The following FBN3 variants were observed in gnomAD, a reference collection of about 807,000 sequenced individuals.
FBN3 encodes the protein fibrillin 3.
In FBN3, 234 loss-of-function variants were observed where a neutral mutation model predicts 330.1. The ratio of observed to expected loss-of-function variants is 0.71; its 90% CI spans 0.64 to 0.79. FBN3 has a LOEUF of 0.79. Among genes scored for constraint, FBN3 ranks in the 30% least tolerant of loss-of-function variants. The probability of loss-of-function intolerance (pLI) is 0.00; values close to 1 mark genes in which losing one functional copy is unlikely to be tolerated. For missense variants in FBN3, 3,606 were observed against 3,886.9 expected (o/e 0.93, Z 1.92); for synonymous variants, 1,458 against 1,517.3 (o/e 0.96, Z 0.91).
chr19:8,091,715 G>T, intron 47 of FBN3, 125 bp from the exon 48 acceptor site: 2 of 1,058,110 alleles, frequency 1.9e-6, no homozygotes, highest in East Asian at 2.5e-5. Context: ...TGGGGCTGGG[G>T]TCCTGAGAGC....
At position 8,110,872 on chromosome 19, in the gene FBN3, G is replaced by C; in HGVS notation, c.4306C>G (p.Leu1436Val). ...FRCICNGGYE[L>V]DRGGGNCTDI... ...GTGCAGTTGCCACCCCCTCGGTCCAGTTCGTAGCCACCATTGCAGATGCAG... is the reference window on the plus strand; with the variant it reads ...GTGCAGTTGCCACCCCCTCGGTCCACTTCGTAGCCACCATTGCAGATGCAG... The change falls in exon 34 of 64, where the codon CTG (leucine) becomes GTG (valine). Residue 1436 changes from leucine to valine, a missense_variant. Transcript: ENST00000600128. 6.2e-7 allele frequency: 1 copy of C among 1,614,222 alleles called. No individual in the cohort carries two copies. Among genetic ancestry groups the C allele is most frequent in the Non-Finnish European group, 8.5e-7 (1 of 1,180,044 alleles).
chr19:8,107,725 G>A (rs1002408671), intron 37 of FBN3, among the ~76,000 whole-genome samples: 1 of 151,298 alleles, frequency 6.6e-6, no homozygotes, highest in African/African-American at 2.4e-5. Flanking sequence ...ATGGAAGTAT[G>A]GAAGTATGGA....
intron 18 of FBN3, 86 bp from the exon 19 acceptor site, chr19:8,126,918 G>T: frequency 3.4e-6 from 5 of 1,459,594 alleles, no homozygotes; most frequent in Non-Finnish European, 2.7e-6. Context: ...AGGGGCCGCC[G>T]CAACCGGTGG....
intron 18 of FBN3, among the ~76,000 whole-genome samples, chr19:8,128,390 CCT>C (rs1177910310): frequency 2.6e-5 from 4 of 151,992 alleles, no homozygotes; most frequent in Admixed American, 1.3e-4. Context: ...ATGGTGAAAC[CCT>C]GTCTCTACTA....
At position 8,129,326 on chromosome 19, in the gene FBN3, T is replaced by C. The variant is rs754231890; in HGVS notation, c.2084A>G (p.Asn695Ser). 26 of 1,614,008 alleles carry C rather than the reference T, an allele frequency of 1.6e-5. No homozygotes were observed. Among genetic ancestry groups the C allele is most frequent in the Non-Finnish European group, 2.2e-5 (26 of 1,180,018 alleles). Residue 695 changes from asparagine (N) to serine (S), a missense_variant, in exon 17 of 64, where the codon AAT becomes AGT. By Grantham distance (46) the Asn-to-Ser change is conservative. Transcript: ENST00000600128. This position sits in a 1 kb window ranked among gnomAD's most constrained non-coding sequence, Gnocchi z 4.5. ...GCCCCGAAGGTTCTCGCACACGCCA[T>C]TGGCACAAACCTCAGGATCCAGAGC... The part of the protein sequence containing the change: ...ECALDPEVCA[N>S]GVCENLRGSY...
chr19:8,134,426 G>A, intron 13 of FBN3, among the ~76,000 whole-genome samples: 1 of 152,096 alleles, frequency 6.6e-6, no homozygotes. Context: ...GAAAAAGAAT[G>A]AAGAAGCCAG....
chr19:8,105,231 G>A (rs2082413432), intron 38 of FBN3, among the ~76,000 whole-genome samples: 1 of 151,466 alleles, frequency 6.6e-6, no homozygotes, highest in African/African-American at 2.4e-5. Context: ...GGGATTACAA[G>A]CATGAGCCAC....
At chr19:8,112,501 T>C (rs993877384) in intron 30 of FBN3, among the ~76,000 whole-genome samples, 2 of 151,616 alleles carry the variant, frequency 1.3e-5, no homozygotes, top group African/African-American at 2.4e-5. Context: ...AAAAAAAAAA[T>C]TAGCCAGGCG....
In FBN3 at chr19:8,096,778, T is replaced by C; in HGVS notation, c.5413+103A>G. The C allele has an allele frequency of 1.6e-5, 20 of 1,268,736 alleles. No homozygotes were observed. Among genetic ancestry groups the C allele is most frequent in the South Asian group, 9.2e-5 (7 of 75,998 alleles). The allele number at this position is 1,268,736 out of a possible 1,614,324, so 78.6% of individuals were successfully genotyped here. A position where few individuals can be genotyped will look rare whatever the true frequency, so the allele number is the denominator to read the frequency against. The stretch of plus-strand genomic sequence containing the variant: ...CTCAATACATCCCCCACCCCCCTAA[T>C]AGTATAGAAAAGGAGAAAGACCTGG... On this transcript the variant is annotated intron_variant, in intron 43 of 63. Coordinates refer to ENST00000600128, the MANE Select transcript of FBN3 (RefSeq NM_032447.5). This position sits in a 1 kb window ranked among gnomAD's most constrained non-coding sequence, Gnocchi z 4.6.
chr19:8,111,726 C>T lies in FBN3; in HGVS notation c.4006G>A (p.Gly1336Ser). 6.2e-7 allele frequency: 1 copy of T among 1,612,778 alleles called. No individual in the cohort carries two copies. Among genetic ancestry groups the T allele is most frequent in the Non-Finnish European group, 8.5e-7 (1 of 1,179,044 alleles). The change falls in exon 32 of 64, where the codon GGT becomes AGT. Residue 1336 changes from glycine (G) to serine (S), a missense_variant. Gly to Ser is a moderately conservative substitution (Grantham distance 56). Coordinates refer to ENST00000600128, the MANE Select transcript of FBN3 (RefSeq NM_032447.5). ...VSQEHRCSPRGDCLNVPGSYR... is the reference protein window; with the variant it reads ...VSQEHRCSPRSDCLNVPGSYR... ...GAGCCAGGGACATTGAGACAGTCAC[C>T]TCTTGGGCTGCACCGGTGCTCCTGG... is the stretch of plus-strand genomic sequence containing the variant.
chr19:8,086,186 C>T lies in FBN3; in HGVS notation c.6880+14G>A. The stretch of plus-strand genomic sequence containing the variant: ...AGGTGGTTGCAACCACTGTGCGTGT[C>T]CAGCCACACTCACCGTGGCACTCGG... On this transcript the variant is annotated intron_variant, in intron 55 of 63. Coordinates refer to ENST00000600128, the MANE Select transcript of FBN3 (RefSeq NM_032447.5). The T allele has an allele frequency of 6.5e-7, 1 of 1,532,512 alleles. No individual in the cohort carries two copies. Among genetic ancestry groups the T allele is most frequent in the African/African-American group, 1.4e-5 (1 of 70,524 alleles). 94.9% of individuals were successfully genotyped at this position (1,532,512 alleles called of 1,614,324 possible). A position where few individuals can be genotyped will look rare whatever the true frequency, so the allele number is the denominator to read the frequency against.
Position 8,141,771 on chromosome 19 carries a change from G to A in FBN3, c.811C>T (p.His271Tyr). The change falls in exon 8 of 64, where the codon CAT (histidine) becomes TAT (tyrosine). Residue 271 changes from histidine (H) to tyrosine (Y), a missense_variant. Coordinates refer to ENST00000600128, the MANE Select transcript of FBN3 (RefSeq NM_032447.5). ...CGGTGTCCAACTGGACAGCGGCAATGGAAGGAGCCCACCATGTTGACGCAG... is the reference window on the plus strand; with the variant it reads ...CGGTGTCCAACTGGACAGCGGCAATAGAAGGAGCCCACCATGTTGACGCAG... ...GSCVNMVGSF[H>Y]CRCPVGHRLS... 2 of 1,614,192 alleles carry A rather than the reference G, an allele frequency of 1.2e-6. No individual in the cohort carries two copies. The highest frequency in any genetic ancestry group is 8.5e-7 in the Non-Finnish European group (1 of 1,180,036).
At chr19:8,069,081 C>G (rs78309858) in intron 63 of FBN3, among the ~76,000 whole-genome samples, 28,280 of 151,998 alleles carry the variant, frequency 0.19, 2,753 homozygotes, top group East Asian at 0.42. Context: ...GAAGCCAGCC[C>G]CTAAAAGAAT....
At chr19:8,081,541 A>C in intron 57 of FBN3, 61 bp from the exon 58 acceptor site, 1 of 1,506,334 alleles carries the variant, frequency 6.6e-7, no homozygotes, top group Non-Finnish European at 8.9e-7. Flanking sequence ...GGGGGTGTTC[A>C]GGGACTGAGG....
rs1054751749 is a variant in FBN3, at chr19:8,096,674, C to G, written c.5414-105G>C. The G allele has an allele frequency of 1.4e-6, 2 of 1,463,960 alleles. No homozygotes were observed. The highest frequency in any genetic ancestry group is 2.8e-5 in the African/African-American group (2 of 71,408). The allele number at this position is 1,463,960 out of a possible 1,614,324, so 90.7% of individuals were successfully genotyped here. A position where few individuals can be genotyped will look rare whatever the true frequency, so the allele number is the denominator to read the frequency against. On this transcript the variant is annotated intron_variant, in intron 43 of 63. Coordinates refer to ENST00000600128, the MANE Select transcript of FBN3 (RefSeq NM_032447.5). The surrounding 1 kb of genome is among the most constrained non-coding windows in gnomAD (Gnocchi z 4.6). ...CCAGAATCTGCCTTGAAGTTCCCCA[C>G]TCAAACTTCCACCAGGGGCGTCAGG...
In FBN3 at chr19:8,108,166, T is replaced by C. The variant is rs2082490503; in HGVS notation, c.4687+4A>G. The C allele has an allele frequency of 6.2e-7, 1 of 1,611,824 alleles. No individual in the cohort carries two copies. The highest frequency in any genetic ancestry group is 1.7e-5 in the Admixed American group (1 of 59,422). ...GATGGATGGATGATCTGCCAGGAAC[T>C]CACCTTCCAGAATGACAGTGATGCG... On this transcript the variant is annotated splice_donor_region_variant and intron_variant, in intron 37 of 63. Transcript: ENST00000600128.
At chr19:8,107,000 G>A (rs2082453489) in intron 37 of FBN3, among the ~76,000 whole-genome samples, 1 of 151,086 alleles carries the variant, frequency 6.6e-6, no homozygotes, top group Non-Finnish European at 1.5e-5. Flanking sequence ...GGTGAATGCG[G>A]GCTAGATGAA....
intron 63 of FBN3, 81 bp from the exon 64 acceptor site, chr19:8,066,341 C>A: frequency 1.9e-6 from 2 of 1,048,260 alleles, no homozygotes; most frequent in Non-Finnish European, 2.7e-6. Flanking sequence ...GGATTGTGGC[C>A]AAAGAGGAGA....
chr19:8,101,741 G>A lies in FBN3; in HGVS notation c.5090-769C>T, dbSNP rs141530818. ...TCCTCCCTGGCCTGGGACATTTACC[G>A]ACCCCCTCCCACTTTATCCCAGCCC... On this transcript the variant is annotated intron_variant, in intron 40 of 63. Coordinates refer to ENST00000600128, the MANE Select transcript of FBN3 (RefSeq NM_032447.5). Among the ~76,000 whole-genome samples, 262 of 149,214 alleles carry A rather than the reference G, an allele frequency of 1.8e-3. 2 individuals carry two copies. Among genetic ancestry groups the A allele is most frequent in the African/African-American group, 6.1e-3 (248 of 40,536 alleles).
Sources: gnomAD v4.1 joint callset for allele counts (sites outside exome capture counted in the v4.1 genomes callset) on GRCh38, gnomAD v4.1.1 for gene constraint, Gnocchi (gnomAD v3.1) non-coding constraint, MANE v1.5 for transcripts, NCBI Gene and HGNC (gene_info 2026-07-23, HGNC 2026-07-21) for gene names.